Variants in NEDD9 observed in about 807,000 individuals in gnomAD.
NEDD9 encodes enhancer of filamentation 1.
In NEDD9, 26 loss-of-function variants were observed where a neutral mutation model predicts 76.6. That is an observed-to-expected ratio of 0.34 (90% CI 0.25 to 0.47). NEDD9 has a LOEUF of 0.47. Among genes scored for constraint, NEDD9 ranks in the 20% least tolerant of loss-of-function variants. The pLI is 1.00. For missense variants in NEDD9, 937 were observed against 1,058.5 expected (o/e 0.89, Z 1.59); for synonymous variants, 392 against 414.2 (o/e 0.95, Z 0.65).
At chr6:11,312,033 G>GCCT (rs1761388053) in intron 2 of NEDD9, among the ~76,000 whole-genome samples, 1 of 152,036 alleles carries the variant, frequency 6.6e-6, no homozygotes, top group Admixed American at 6.6e-5. Context: ...ATGGCACTGA[G>GCCT]CCTCCAGTTC....
chr6:11,366,976 CCTAGCACCAAG>C (rs1762781762), intron 1 of NEDD9, among the ~76,000 whole-genome samples: 2 of 152,112 alleles, frequency 1.3e-5, no homozygotes, highest in African/African-American at 4.8e-5. Flanking sequence ...AATGTTGTTA[CCTAGCACCAAG>C]ATTGAAGAGA....
At position 11,252,992 on chromosome 6, in the gene NEDD9, A is replaced by T. The variant is rs1759940330; in HGVS notation, c.13-39265T>A. Among the ~76,000 whole-genome samples the T allele has an allele frequency of 1.3e-5, 2 of 152,222 alleles. No individual in the cohort carries two copies. Among genetic ancestry groups the T allele is most frequent in the African/African-American group, 4.8e-5 (2 of 41,456 alleles). On this transcript the variant is annotated intron_variant, in intron 3 of 3. Transcript: ENST00000397378. The surrounding 1 kb of genome is among the most constrained non-coding windows in gnomAD (Gnocchi z 4.3). ...CTTTCCTGGCAGTTGCCTAAGAACAAAACATTATCTTGTGGGAGAGGAGTA... is the reference window on the plus strand; with the variant it reads ...CTTTCCTGGCAGTTGCCTAAGAACATAACATTATCTTGTGGGAGAGGAGTA...
chr6:11,351,575 G>A (rs776797939), intron 1 of NEDD9, among the ~76,000 whole-genome samples: 2 of 152,142 alleles, frequency 1.3e-5, no homozygotes, highest in African/African-American at 2.4e-5. Flanking sequence ...AGTGATGCCC[G>A]CATACTCAGA....
Position 11,185,637 on chromosome 6 carries a change from G to A in NEDD9, c.2030C>T (p.Thr677Ile), listed in dbSNP as rs770781071. ...CGAGATGTCATTCTCCACGGGCTTT[G>A]TAATCTCTTGTTCCAACAGCTGGAA... is the stretch of plus-strand genomic sequence containing the variant. ...SQFQLLEQEI[T>I]KPVENDISKW... The change falls in exon 7 of 7, where the codon ACA becomes ATA. Residue 677 changes from threonine (T) to isoleucine (I), a missense_variant. Physicochemically the swap from Thr to Ile is moderately conservative, Grantham distance 89 (BLOSUM62 -1). Transcript: ENST00000379446. The A allele has an allele frequency of 5.0e-6, 8 of 1,614,128 alleles. No individual in the cohort carries two copies. In the African/African-American group the frequency reaches 6.7e-5, roughly 13 times the overall value.
At chr6:11,295,898 T>A (rs1459078062) in intron 3 of NEDD9, among the ~76,000 whole-genome samples, 2 of 152,144 alleles carry the variant, frequency 1.3e-5, no homozygotes, top group African/African-American at 2.4e-5. Flanking sequence ...CCACGTTAGG[T>A]GTGTGATGGA....
At chr6:11,357,882 GA>G (rs1350318314) in intron 1 of NEDD9, among the ~76,000 whole-genome samples, 1 of 152,172 alleles carries the variant, frequency 6.6e-6, no homozygotes, top group East Asian at 1.9e-4. Flanking sequence ...GGTGATGAGT[GA>G]AAGCAGCCTT....
chr6:11,267,411 T>C (rs1760221024), intron 3 of NEDD9, among the ~76,000 whole-genome samples: 1 of 152,046 alleles, frequency 6.6e-6, no homozygotes, highest in Admixed American at 6.6e-5. Context: ...ACCACTTCCT[T>C]GGCTGCAGGG....
At chr6:11,247,910 A>C (rs1025811366) in intron 3 of NEDD9, among the ~76,000 whole-genome samples, 6 of 152,210 alleles carry the variant, frequency 3.9e-5, no homozygotes, top group African/African-American at 1.4e-4. Context: ...AGAAAGGAGA[A>C]AGAAGGTCCC....
At chr6:11,346,939 T>G (rs1463371632) in intron 1 of NEDD9, among the ~76,000 whole-genome samples, 15 of 152,146 alleles carry the variant, frequency 9.9e-5, no homozygotes, top group Non-Finnish European at 2.2e-4. Context: ...TCCTGTTACC[T>G]GCTCCCCAAA....
chr6:11,338,346 C>T (rs75584955), intron 1 of NEDD9, among the ~76,000 whole-genome samples: 4,251 of 152,160 alleles, frequency 0.028, 203 homozygotes, highest in African/African-American at 0.097. Flanking sequence ...CCCTTGCAGC[C>T]CTCGAAAGGA....
At position 11,251,984 on chromosome 6, in the gene NEDD9, T is replaced by C. The variant is rs7769127; in HGVS notation, c.13-38257A>G. Among the ~76,000 whole-genome samples, 572 of 152,250 alleles carry C rather than the reference T, an allele frequency of 3.8e-3. 2 individuals carry two copies. The highest frequency in any genetic ancestry group is 0.013 in the African/African-American group (553 of 41,534). ...GATGGGCAAAATTCTCCCCTCACCT[T>C]CTGCTTGCACTTCCCATCAATGCAA... On this transcript the variant is annotated intron_variant, in intron 3 of 3. Coordinates refer to the NEDD9 transcript ENST00000397378.
chr6:11,301,556 G>T (rs1761044542), intron 3 of NEDD9, among the ~76,000 whole-genome samples: 1 of 152,172 alleles, frequency 6.6e-6, no homozygotes, highest in Non-Finnish European at 1.5e-5. Flanking sequence ...CAAATCAACA[G>T]AATATACATT....
chr6:11,361,530 T>C lies in NEDD9; in HGVS notation c.-214+20609A>G, dbSNP rs1256795042. Among the ~76,000 whole-genome samples the C allele has an allele frequency of 1.4e-4, 21 of 151,954 alleles. 1 individual carries two copies. Among genetic ancestry groups the C allele is most frequent in the Admixed American group, 1.4e-3 (21 of 15,254 alleles). ...TCTCACAAGACCTCACTATCACAAATACAGCACCAAGCCATGAGGGATGCA... is the reference window on the plus strand; with the variant it reads ...TCTCACAAGACCTCACTATCACAAACACAGCACCAAGCCATGAGGGATGCA... On this transcript the variant is annotated intron_variant, in intron 1 of 3. Transcript: ENST00000397378.
At chr6:11,214,836 A>C (rs1330988751) in intron 1 of NEDD9, among the ~76,000 whole-genome samples, 1 of 152,230 alleles carries the variant, frequency 6.6e-6, no homozygotes, top group Non-Finnish European at 1.5e-5. Flanking sequence ...GTTTGGATGC[A>C]CTTAATGTCA....
At chr6:11,217,784 G>A (rs1309590162) in intron 1 of NEDD9, among the ~76,000 whole-genome samples, 1 of 152,184 alleles carries the variant, frequency 6.6e-6, no homozygotes, top group African/African-American at 2.4e-5. Context: ...ACAAGCTGTG[G>A]CTCTAATCAG....
intron 1 of NEDD9, among the ~76,000 whole-genome samples, chr6:11,371,809 T>TATTCTA (rs1475008821): frequency 6.6e-6 from 1 of 152,120 alleles, no homozygotes; most frequent in African/African-American, 2.4e-5. Context: ...GACATGCAAA[T>TATTCTA]ATTCTAATTA....
intron 3 of NEDD9, among the ~76,000 whole-genome samples, chr6:11,244,262 C>CACACACACACACACGTGTGT (rs1759766093): frequency 1.3e-5 from 2 of 151,298 alleles, no homozygotes. Context: ...TTTCTCTTTA[C>CACACACACACACACGTGTGT]ACACACACAC....
intron 3 of NEDD9, among the ~76,000 whole-genome samples, chr6:11,298,452 T>C (rs1288686484): frequency 3.9e-5 from 6 of 152,174 alleles, no homozygotes; most frequent in Non-Finnish European, 7.3e-5. Flanking sequence ...AATTATATGG[T>C]TTTTAGGTTT....
At chr6:11,311,897 C>A (rs4713396) in intron 2 of NEDD9, among the ~76,000 whole-genome samples, 82,393 of 151,922 alleles carry the variant, frequency 0.54, 22,800 homozygotes, top group East Asian at 0.77. Flanking sequence ...AACCCAGTGG[C>A]CCACTTTGAG....
Sources: allele counts gnomAD v4.1 joint callset (sites outside exome capture counted in the v4.1 genomes callset), GRCh38; gene constraint gnomAD v4.1.1; non-coding constraint Gnocchi (gnomAD v3.1); transcripts MANE v1.5; gene names NCBI Gene and HGNC (gene_info 2026-07-23, HGNC 2026-07-21).